The following ZNF407 variants were observed in gnomAD, a reference collection of about 807,000 sequenced individuals.
ZNF407 encodes the protein zinc finger protein 407.
ZNF407 carries 17 observed loss-of-function variants against 131.2 expected under a neutral mutation model. The observed-to-expected ratio is 0.13, with a 90% CI of 0.09 to 0.19. ZNF407 has a LOEUF of 0.19. ZNF407 is among the 10% of genes least tolerant of loss of function. The probability of loss-of-function intolerance (pLI) is 1.00; values close to 1 mark genes in which losing one functional copy is unlikely to be tolerated. For synonymous variants in ZNF407, 1,156 were observed against 1,062.0 expected, an observed-to-expected ratio of 1.09 and a Z score of -1.72; for missense variants, 2,681 against 2,830.6, an observed-to-expected ratio of 0.95 and a Z score of 1.20.
intron 8 of ZNF407, among the ~76,000 whole-genome samples, chr18:75,004,672 T>G (rs1972887175): frequency 6.6e-6 from 1 of 152,224 alleles, no homozygotes; most frequent in Non-Finnish European, 1.5e-5. Flanking sequence ...TTCCAGGGTT[T>G]ATCACACTTA....
At chr18:74,802,830 A>G (rs966506095) in intron 4 of ZNF407, among the ~76,000 whole-genome samples, 1 of 152,210 alleles carries the variant, frequency 6.6e-6, no homozygotes, top group African/African-American at 2.4e-5. Flanking sequence ...TTTGCAATAC[A>G]TTGTCAAGTT....
chr18:74,655,150 G>T (rs2144718365), intron 3 of ZNF407, among the ~76,000 whole-genome samples: 1 of 151,862 alleles, frequency 6.6e-6, no homozygotes, highest in South Asian at 2.1e-4. Context: ...ATTATTATAA[G>T]AATCCTTAAT....
chr18:75,057,912 T>C (rs908129094), intron 8 of ZNF407, among the ~76,000 whole-genome samples: 1 of 152,224 alleles, frequency 6.6e-6, no homozygotes, highest in Non-Finnish European at 1.5e-5. Context: ...GTTTTATTTT[T>C]TTCATTCGGG....
intron 3 of ZNF407, among the ~76,000 whole-genome samples, chr18:74,642,900 T>A (rs949288940): frequency 2.0e-5 from 3 of 152,156 alleles, no homozygotes; most frequent in African/African-American, 7.2e-5. Context: ...AAATAATTGT[T>A]CTCTTTGTAT....
At chr18:74,608,281 A>T (rs377720084) in intron 1 of ZNF407, among the ~76,000 whole-genome samples, 3 of 152,178 alleles carry the variant, frequency 2.0e-5, no homozygotes, top group Admixed American at 6.5e-5. Context: ...TCCAGGATCC[A>T]ACCCAGTATC....
chr18:74,924,821 T>C (rs972738378), intron 8 of ZNF407, among the ~76,000 whole-genome samples: 7 of 152,150 alleles, frequency 4.6e-5, no homozygotes, highest in African/African-American at 1.7e-4. Context: ...TTTCTCATCA[T>C]TTCCAAGCAG....
chr18:74,617,854 C>T (rs1034192538), intron 1 of ZNF407, among the ~76,000 whole-genome samples: 1 of 152,168 alleles, frequency 6.6e-6, no homozygotes, highest in East Asian at 1.9e-4. Context: ...AAATCTAAAA[C>T]GCCCCCCCTA....
intron 8 of ZNF407, among the ~76,000 whole-genome samples, chr18:75,054,473 T>A (rs1973538985): frequency 6.6e-6 from 1 of 152,226 alleles, no homozygotes; most frequent in South Asian, 2.1e-4. Flanking sequence ...GGTTTTTTTA[T>A]AGGGTTTTGC....
At chr18:74,773,934 A>C (rs1450615257) in intron 3 of ZNF407, among the ~76,000 whole-genome samples, 1 of 152,204 alleles carries the variant, frequency 6.6e-6, no homozygotes, top group African/African-American at 2.4e-5. Context: ...TACTATAAGA[A>C]ACCAGGACTG....
At chr18:74,913,908 A>G (rs563833641) in intron 7 of ZNF407, among the ~76,000 whole-genome samples, 2 of 152,308 alleles carry the variant, frequency 1.3e-5, no homozygotes, top group Non-Finnish European at 2.9e-5. Flanking sequence ...GCCTTTGAAC[A>G]GAATAAGAAA....
chr18:74,654,689 G>T (rs548793865), intron 3 of ZNF407, among the ~76,000 whole-genome samples: 2 of 151,718 alleles, frequency 1.3e-5, no homozygotes, highest in Non-Finnish European at 3.0e-5. Flanking sequence ...TTACAAATTT[G>T]AGATCATGAG....
chr18:74,852,191 A>ACACG lies in ZNF407; in HGVS notation c.4878-25003_4878-25002insGCAC, dbSNP rs1297052179. Among the ~76,000 whole-genome samples, 67 of 74,268 alleles carry ACACG rather than the reference A, an allele frequency of 9.0e-4. 1 individual carries two copies. The highest frequency in any genetic ancestry group is 7.7e-4 in the Admixed American group (6 of 7,812). The allele number at this position is 74,268 out of a possible 152,430, so 48.7% of individuals were successfully genotyped here. On this transcript the variant is annotated intron_variant, in intron 4 of 8. Transcript: ENST00000299687. ...CACACACACACACACACACACACAC[A>ACACG]CACACACGCACGCACGCACGCGCAC...
At chr18:74,904,760 G>C (rs1287543443) in intron 7 of ZNF407, among the ~76,000 whole-genome samples, 1 of 152,174 alleles carries the variant, frequency 6.6e-6, no homozygotes, top group East Asian at 1.9e-4. Context: ...AACAAAGCAT[G>C]GGGAGTTATT....
intron 7 of ZNF407, among the ~76,000 whole-genome samples, chr18:74,907,452 A>G (rs981695607): frequency 5.9e-5 from 9 of 152,108 alleles, no homozygotes; most frequent in Non-Finnish European, 1.0e-4. Context: ...TTGGCAGGTG[A>G]GGTTGAGTGG....
chr18:75,005,519 T>G (rs543673215), intron 8 of ZNF407, among the ~76,000 whole-genome samples: 1 of 152,276 alleles, frequency 6.6e-6, no homozygotes, highest in Non-Finnish European at 1.5e-5. Flanking sequence ...TTTGGAAAAT[T>G]CATTTCTATT....
At chr18:74,866,186 T>C (rs975832879) in intron 4 of ZNF407, among the ~76,000 whole-genome samples, 4 of 152,226 alleles carry the variant, frequency 2.6e-5, no homozygotes, top group Non-Finnish European at 5.9e-5. Flanking sequence ...TATGTTGAAT[T>C]GGTCTACTGC....
intron 3 of ZNF407, among the ~76,000 whole-genome samples, chr18:74,644,229 C>G (rs1196651813): frequency 8.2e-6 from 1 of 122,284 alleles, no homozygotes; most frequent in East Asian, 2.5e-4. Context: ...TTAAAAATAT[C>G]CAAATGTGAT....
chr18:74,757,997 T>C (rs1969004242), intron 3 of ZNF407, among the ~76,000 whole-genome samples: 1 of 152,228 alleles, frequency 6.6e-6, no homozygotes, highest in Non-Finnish European at 1.5e-5. Flanking sequence ...TTCATCCTGA[T>C]ACGTTCAACT....
At chr18:74,783,556 T>A (rs1969648274) in intron 4 of ZNF407, among the ~76,000 whole-genome samples, 1 of 152,144 alleles carries the variant, frequency 6.6e-6, no homozygotes, top group Admixed American at 6.5e-5. Flanking sequence ...TTTACTGTTT[T>A]TTTTTTTCAT....
Sources: allele counts gnomAD v4.1 joint callset (sites outside exome capture counted in the v4.1 genomes callset), GRCh38; gene constraint gnomAD v4.1.1; transcripts MANE v1.5; gene names NCBI Gene and HGNC (gene_info 2026-07-23, HGNC 2026-07-21).